The following TSHR variants were observed in gnomAD, a reference collection of about 807,000 sequenced individuals.
TSHR encodes thyroid stimulating hormone receptor, also known as thyrotropin receptor.
In TSHR, 51 loss-of-function variants were observed where a neutral mutation model predicts 64.1. The observed-to-expected ratio is 0.80, with a 90% CI of 0.64 to 1.01. TSHR has a LOEUF of 1.01. Ranked by LOEUF, TSHR falls within the 50% of genes least tolerant of loss-of-function variation. The pLI, the probability that TSHR is intolerant of heterozygous loss-of-function variation, is 0.00. For missense variants in TSHR, 877 were observed against 942.8 expected, an observed-to-expected ratio of 0.93 and a Z score of 0.91; for synonymous variants, 361 against 361.9, an observed-to-expected ratio of 1.00 and a Z score of 0.03.
intron 7 of TSHR, among the ~76,000 whole-genome samples, chr14:81,105,901 C>T (rs1195812607): frequency 1.3e-5 from 2 of 152,074 alleles, no homozygotes; most frequent in African/African-American, 4.8e-5. Flanking sequence ...AGCCCTTGTA[C>T]TGAACTTAGT....
At chr14:81,043,440 A>C (rs1299764715) in intron 1 of TSHR, among the ~76,000 whole-genome samples, 4 of 152,216 alleles carry the variant, frequency 2.6e-5, no homozygotes. Flanking sequence ...ATCAGAGGAC[A>C]TAAACAAATG....
intron 1 of TSHR, among the ~76,000 whole-genome samples, chr14:81,060,943 T>C (rs921954867): frequency 6.6e-6 from 1 of 152,148 alleles, no homozygotes; most frequent in Non-Finnish European, 1.5e-5. Flanking sequence ...CATACTGGAA[T>C]GCATGAAGGT....
At chr14:80,956,072 A>C in intron 1 of TSHR, 1 of 617,578 alleles carries the variant, frequency 1.6e-6, no homozygotes, top group South Asian at 1.9e-5. Context: ...CAACACAGGA[A>C]AATGTTACAA....
At chr14:81,075,440 A>G (rs539517671) in intron 3 of TSHR, among the ~76,000 whole-genome samples, 7 of 152,352 alleles carry the variant, frequency 4.6e-5, no homozygotes, top group African/African-American at 1.7e-4. Context: ...AAAGCTATTC[A>G]TTCAATAAAT....
At chr14:81,035,503 T>C (rs1014423314) in intron 1 of TSHR, among the ~76,000 whole-genome samples, 1 of 152,190 alleles carries the variant, frequency 6.6e-6, no homozygotes, top group African/African-American at 2.4e-5. Flanking sequence ...CCGAGGATGC[T>C]GCTGATGCTG....
chr14:81,021,442 A>G (rs1251525007), intron 1 of TSHR, among the ~76,000 whole-genome samples: 1 of 152,148 alleles, frequency 6.6e-6, no homozygotes, highest in East Asian at 1.9e-4. Flanking sequence ...TTTGTTCCAT[A>G]TTTGTTTTCC....
chr14:81,143,107 C>G lies in TSHR; in HGVS notation c.1049C>G (p.Ala350Gly), dbSNP rs1308014804. The change falls in exon 10 of 10, where the codon GCT becomes GGT. Residue 350 changes from alanine to glycine, a missense_variant. Ala to Gly is a moderately conservative substitution (Grantham distance 60). Transcript: ENST00000298171. ...KSKFQDTHNN[A>G]HYYVFFEEQE... is the part of the protein sequence containing the mutation. ...AAGTTCCAGGATACTCATAACAACGCTCATTATTACGTCTTCTTTGAAGAA... is the reference window on the plus strand; with the variant it reads ...AAGTTCCAGGATACTCATAACAACGGTCATTATTACGTCTTCTTTGAAGAA... 1 of 1,614,156 alleles carries G rather than the reference C, an allele frequency of 6.2e-7. No individual in the cohort carries two copies. Among genetic ancestry groups the G allele is most frequent in the Non-Finnish European group, 8.5e-7 (1 of 1,180,030 alleles).
intron 2 of TSHR, among the ~76,000 whole-genome samples, chr14:81,066,015 T>G (rs1258317356): frequency 6.6e-6 from 1 of 152,178 alleles, no homozygotes; most frequent in Non-Finnish European, 1.5e-5. Context: ...AGGATCTGAT[T>G]TTTCCTAGTT....
At chr14:81,058,178 C>T (rs1885963119) in intron 1 of TSHR, among the ~76,000 whole-genome samples, 1 of 152,202 alleles carries the variant, frequency 6.6e-6, no homozygotes, top group Non-Finnish European at 1.5e-5. Flanking sequence ...CTGGGTTCTA[C>T]CTGCAAAATC....
intron 1 of TSHR, among the ~76,000 whole-genome samples, chr14:80,974,660 A>G (rs535512036): frequency 1.6e-4 from 24 of 152,342 alleles, no homozygotes; most frequent in African/African-American, 5.8e-4. Context: ...TGATGATAGA[A>G]GGTCTAATGT....
chr14:81,092,400 C>A, intron 5 of TSHR, 131 bp from the exon 6 acceptor site: 1 of 871,790 alleles, frequency 1.1e-6, no homozygotes. Context: ...TAAGAAGGGT[C>A]AGTGAAACTT....
intron 3 of TSHR, among the ~76,000 whole-genome samples, chr14:81,081,378 A>G (rs1020646209): frequency 6.6e-6 from 1 of 152,176 alleles, no homozygotes; most frequent in Admixed American, 6.5e-5. Flanking sequence ...AGGATATTAC[A>G]AAAGATAGAG....
chr14:81,074,031 T>C (rs17111404), intron 3 of TSHR, among the ~76,000 whole-genome samples: 5,492 of 152,244 alleles, frequency 0.036, 206 homozygotes, highest in African/African-American at 0.097. Context: ...TATGATCTTT[T>C]TCCTCACAAA....
chr14:81,062,301 T>A, intron 2 of TSHR, 82 bp downstream of exon 2: 1 of 1,024,556 alleles, frequency 9.8e-7, no homozygotes, highest in East Asian at 2.4e-5. Flanking sequence ...AAATACTTGG[T>A]ATTATACTTG....
intron 7 of TSHR, among the ~76,000 whole-genome samples, chr14:81,102,236 T>C (rs1889635320): frequency 6.6e-6 from 1 of 151,710 alleles, no homozygotes; most frequent in South Asian, 2.1e-4. Context: ...GGATCTGCTG[T>C]ATATATAGAG....
chr14:81,032,661 G>A (rs776674471), intron 1 of TSHR: 28 of 415,228 alleles, frequency 6.7e-5, no homozygotes, highest in South Asian at 4.9e-4. Context: ...GAGAGTTGTC[G>A]AAGGCATAAT....
At chr14:80,976,051 AC>A (rs778643330) in intron 1 of TSHR, among the ~76,000 whole-genome samples, 6 of 152,082 alleles carry the variant, frequency 3.9e-5, no homozygotes, top group Non-Finnish European at 8.8e-5. Context: ...AGCTGGGACT[AC>A]AGGCACCCGC....
At chr14:80,984,057 G>A (rs1888311569) in intron 1 of TSHR, among the ~76,000 whole-genome samples, 1 of 148,612 alleles carries the variant, frequency 6.7e-6, no homozygotes, top group Non-Finnish European at 1.5e-5. Context: ...AGTACCTAGA[G>A]AGAGAGTGAG....
chr14:81,027,058 GC>G (rs1449586989), intron 1 of TSHR, among the ~76,000 whole-genome samples: 2 of 151,082 alleles, frequency 1.3e-5, no homozygotes, highest in Non-Finnish European at 2.9e-5. Flanking sequence ...AAAAAGAAAG[GC>G]CTTAATGGGA....
Sources: allele counts gnomAD v4.1 joint callset (sites outside exome capture counted in the v4.1 genomes callset), GRCh38; gene constraint gnomAD v4.1.1; transcripts MANE v1.5; gene names NCBI Gene and HGNC (gene_info 2026-07-23, HGNC 2026-07-21).